Variants in MSRB3 observed in about 807,000 individuals in gnomAD.
The protein encoded by MSRB3 is methionine-R-sulfoxide reductase B3.
A neutral mutation model predicts 21.0 loss-of-function variants in MSRB3; 13 were observed. That is an observed-to-expected ratio of 0.62 (90% CI 0.40 to 0.98). MSRB3 has a LOEUF of 0.98. Among genes scored for constraint, MSRB3 ranks in the 50% least tolerant of loss-of-function variants. The pLI is 0.00. For synonymous variants in MSRB3, 87 were observed against 88.6 expected, an observed-to-expected ratio of 0.98 and a Z score of 0.10; for missense variants, 199 against 230.3, an observed-to-expected ratio of 0.86 and a Z score of 0.88.
At chr12:65,367,644 A>G (rs1375087142) in intron 4 of MSRB3, among the ~76,000 whole-genome samples, 1 of 152,222 alleles carries the variant, frequency 6.6e-6, no homozygotes, top group South Asian at 2.1e-4. Context: ...AGTTGTGCTA[A>G]GAGATGGTGG....
chr12:65,440,208 C>T (rs1882305207), intron 5 of MSRB3, among the ~76,000 whole-genome samples: 1 of 151,644 alleles, frequency 6.6e-6, no homozygotes. Context: ...AACAAACATC[C>T]TATATGAAAA....
At chr12:65,445,978 G>A (rs1882599642) in intron 5 of MSRB3, among the ~76,000 whole-genome samples, 1 of 152,066 alleles carries the variant, frequency 6.6e-6, no homozygotes, top group Non-Finnish European at 1.5e-5. Flanking sequence ...TTTTATTTCA[G>A]GTACCTCTTA....
intron 6 of MSRB3, among the ~76,000 whole-genome samples, chr12:65,460,772 A>T: frequency 6.8e-6 from 1 of 146,512 alleles, no homozygotes; most frequent in African/African-American, 2.5e-5. Context: ...TTAGGGACAC[A>T]CCTAGAATCA....
intron 4 of MSRB3, among the ~76,000 whole-genome samples, chr12:65,333,519 A>G (rs1243513758): frequency 6.6e-6 from 1 of 152,196 alleles, no homozygotes; most frequent in Non-Finnish European, 1.5e-5. Context: ...CACTAGTCCA[A>G]TAGGAGTGGG....
intron 5 of MSRB3, among the ~76,000 whole-genome samples, chr12:65,393,505 C>T (rs1253528409): frequency 3.9e-5 from 6 of 151,916 alleles, no homozygotes; most frequent in Admixed American, 1.3e-4. Context: ...TGGTGGTGGG[C>T]GCCTGTAATC....
At chr12:65,386,590 C>A (rs1034781042) in intron 5 of MSRB3, among the ~76,000 whole-genome samples, 1 of 151,786 alleles carries the variant, frequency 6.6e-6, no homozygotes, top group Non-Finnish European at 1.5e-5. Flanking sequence ...CAATAAATAT[C>A]CAGTATTGAG....
intron 4 of MSRB3, among the ~76,000 whole-genome samples, chr12:65,360,780 C>G (rs1376237499): frequency 6.6e-6 from 1 of 152,084 alleles, no homozygotes; most frequent in East Asian, 1.9e-4. Flanking sequence ...ACCTAGAATC[C>G]AGGTCTTCTG....
At chr12:65,423,490 G>C (rs1881428950) in intron 5 of MSRB3, among the ~76,000 whole-genome samples, 2 of 152,040 alleles carry the variant, frequency 1.3e-5, no homozygotes, top group Admixed American at 1.3e-4. Flanking sequence ...TGTCATATAT[G>C]GCCTTTATTG....
At chr12:65,416,936 G>T (rs1057455243) in intron 5 of MSRB3, among the ~76,000 whole-genome samples, 1 of 152,068 alleles carries the variant, frequency 6.6e-6, no homozygotes, top group East Asian at 1.9e-4. Flanking sequence ...GTACATCTTG[G>T]TTTGTATTGG....
Position 65,466,243 on chromosome 12 carries a change from G to A in MSRB3, c.*2921G>A, listed in dbSNP as rs1883568820. 1.3e-5 allele frequency: 2 copies of A among 152,162 alleles called. No homozygotes were observed. 9.4% of individuals were successfully genotyped at this position (152,162 alleles called of 1,614,324 possible). A position where few individuals can be genotyped will look rare whatever the true frequency, so the allele number is the denominator to read the frequency against. ...TTGAAAAAAAGTGGGGTGTATGCAT[G>A]TGGTTTAATTCCAGATTGCTTTTGG... On this transcript the variant is annotated 3_prime_UTR_variant, in exon 7 of 7. Transcript: ENST00000308259.
rs922671899 is a variant in MSRB3, at chr12:65,465,464, T to C, written c.*2142T>C. The C allele has an allele frequency of 4.6e-5, 7 of 152,152 alleles. No individual in the cohort carries two copies. Among genetic ancestry groups the C allele is most frequent in the African/African-American group, 1.7e-4 (7 of 41,444 alleles). The allele number at this position is 152,152 out of a possible 1,614,324, so 9.4% of individuals were successfully genotyped here. ...AAAGAAAGAGGGACATTTGACAATTTTAAAGAAACAACAAGAAATTAGAAT... is the reference window on the plus strand; with the variant it reads ...AAAGAAAGAGGGACATTTGACAATTCTAAAGAAACAACAAGAAATTAGAAT... On this transcript the variant is annotated 3_prime_UTR_variant, in exon 7 of 7. Coordinates refer to ENST00000308259, the MANE Select transcript of MSRB3 (RefSeq NM_001031679.3).
At chr12:65,282,840 A>G (rs1285611564) in intron 1 of MSRB3, among the ~76,000 whole-genome samples, 1 of 152,116 alleles carries the variant, frequency 6.6e-6, no homozygotes, top group African/African-American at 2.4e-5. Context: ...GTTGACCTAG[A>G]TTTTCCCTAA....
intron 5 of MSRB3, among the ~76,000 whole-genome samples, chr12:65,402,077 C>T (rs112048807): frequency 0.015 from 2,238 of 152,112 alleles, 52 homozygotes; most frequent in African/African-American, 0.051. Flanking sequence ...GTGAATCTGG[C>T]GATTATGTGT....
At chr12:65,376,426 T>G (rs956917475) in intron 5 of MSRB3, among the ~76,000 whole-genome samples, 1 of 152,210 alleles carries the variant, frequency 6.6e-6, no homozygotes, top group Non-Finnish European at 1.5e-5. Flanking sequence ...TCTGCTTCTT[T>G]AGATATTACC....
At chr12:65,329,116 A>G (rs561085031) in intron 4 of MSRB3, among the ~76,000 whole-genome samples, 1 of 152,228 alleles carries the variant, frequency 6.6e-6, no homozygotes, top group Non-Finnish European at 1.5e-5. Flanking sequence ...CAGTTTTTGC[A>G]TAGATTCAAA....
chr12:65,289,912 C>T (rs1872579832), intron 1 of MSRB3, among the ~76,000 whole-genome samples: 1 of 152,092 alleles, frequency 6.6e-6, no homozygotes, highest in South Asian at 2.1e-4. Flanking sequence ...TGTATGTGTA[C>T]CATGTTTTCT....
intron 4 of MSRB3, among the ~76,000 whole-genome samples, chr12:65,339,324 CCAGA>C (rs1415058875): frequency 6.6e-6 from 1 of 152,178 alleles, no homozygotes; most frequent in Admixed American, 6.5e-5. Context: ...AAAAATTCCT[CCAGA>C]CATTCTCAAA....
chr12:65,454,113 G>A (rs527538348), intron 6 of MSRB3: 24 of 602,178 alleles, frequency 4.0e-5, no homozygotes, highest in East Asian at 3.3e-4. Flanking sequence ...GTGAGACCTC[G>A]TCTCTACAGA....
At chr12:65,413,828 CAG>C (rs1027346785) in intron 5 of MSRB3, among the ~76,000 whole-genome samples, 21 of 151,992 alleles carry the variant, frequency 1.4e-4, no homozygotes, top group African/African-American at 4.6e-4. Flanking sequence ...CTAGGGAAGA[CAG>C]GGGTACAGTC....
Sources: gnomAD v4.1 joint callset for allele counts (sites outside exome capture counted in the v4.1 genomes callset) on GRCh38, gnomAD v4.1.1 for gene constraint, MANE v1.5 for transcripts, NCBI Gene and HGNC (gene_info 2026-07-23, HGNC 2026-07-21) for gene names.